The following CNTN5 variants were observed in gnomAD, a reference collection of about 807,000 sequenced individuals.
CNTN5 encodes contactin-5.
Under a neutral mutation model 129.1 loss-of-function variants are expected in CNTN5, and 77 were observed. The ratio of observed to expected loss-of-function variants is 0.60; its 90% CI spans 0.50 to 0.72. The LOEUF (loss-of-function observed/expected upper bound fraction) is 0.72. Ranked by LOEUF, CNTN5 falls within the 30% of genes least tolerant of loss-of-function variation. CNTN5 has a pLI of 0.00. For synonymous variants in CNTN5, 509 were observed against 465.6 expected, an observed-to-expected ratio of 1.09 and a Z score of -1.20; for missense variants, 1,478 against 1,328.8, an observed-to-expected ratio of 1.11 and a Z score of -1.75.
At chr11:99,177,486 G>A (rs1183909533) in intron 1 of CNTN5, among the ~76,000 whole-genome samples, 2 of 152,186 alleles carry the variant, frequency 1.3e-5, no homozygotes, top group African/African-American at 4.8e-5. Context: ...AAGCCAGAAA[G>A]CAGGATCTGT....
intron 9 of CNTN5, among the ~76,000 whole-genome samples, chr11:100,019,487 C>G (rs929456460): frequency 6.6e-6 from 1 of 151,892 alleles, no homozygotes; most frequent in Non-Finnish European, 1.5e-5. Context: ...GCAGAATGTC[C>G]TCCAGGTTCA....
intron 2 of CNTN5, among the ~76,000 whole-genome samples, chr11:99,553,284 TG>T (rs1165842806): frequency 6.6e-6 from 1 of 152,164 alleles, no homozygotes; most frequent in Non-Finnish European, 1.5e-5. Flanking sequence ...TAATGTAAAC[TG>T]GTACATTAAA....
At chr11:100,164,477 T>C (rs1471735028) in intron 13 of CNTN5, among the ~76,000 whole-genome samples, 1 of 151,680 alleles carries the variant, frequency 6.6e-6, no homozygotes, top group Non-Finnish European at 1.5e-5. Flanking sequence ...AATGGAAAAA[T>C]TCATATTTTA....
intron 1 of CNTN5, among the ~76,000 whole-genome samples, chr11:99,162,721 A>G (rs1436338805): frequency 6.6e-6 from 1 of 152,190 alleles, no homozygotes; most frequent in Non-Finnish European, 1.5e-5. Flanking sequence ...TGACTTAGGT[A>G]TGACTAGTTT....
At chr11:99,214,040 A>G (rs1270396611) in intron 1 of CNTN5, among the ~76,000 whole-genome samples, 3 of 152,176 alleles carry the variant, frequency 2.0e-5, no homozygotes, top group African/African-American at 7.2e-5. Flanking sequence ...AGTTACTGCT[A>G]TTAGAGCAGA....
intron 1 of CNTN5, among the ~76,000 whole-genome samples, chr11:99,158,816 CAT>C (rs1860458959): frequency 6.6e-6 from 1 of 152,166 alleles, no homozygotes; most frequent in Admixed American, 6.5e-5. Flanking sequence ...AAAGAAGCAA[CAT>C]ATTTGGATAA....
chr11:99,964,768 A>G (rs965602802), intron 8 of CNTN5, among the ~76,000 whole-genome samples: 1 of 152,144 alleles, frequency 6.6e-6, no homozygotes, highest in African/African-American at 2.4e-5. Flanking sequence ...GGTAGAATTC[A>G]GCTGTGAATC....
chr11:99,825,679 G>T (rs1946931415), intron 4 of CNTN5, among the ~76,000 whole-genome samples: 1 of 152,012 alleles, frequency 6.6e-6, no homozygotes, highest in South Asian at 2.1e-4. Context: ...AAAATTTCTA[G>T]GTTGATAGTT....
Position 99,159,429 on chromosome 11 carries a change from T to C in CNTN5, c.-210+138159T>C, listed in dbSNP as rs1860494488. Among the ~76,000 whole-genome samples, 5 of 152,194 alleles carry C rather than the reference T, an allele frequency of 3.3e-5. No homozygotes were observed. The South Asian group carries it at 1.0e-3, about 32-fold the overall frequency. On this transcript the variant is annotated intron_variant, in intron 1 of 24. Transcript: ENST00000524871. The stretch of plus-strand genomic sequence containing the variant: ...CGAGGTCAGGAGATCGAGACCATCC[T>C]GGCTAACGCGGTGAAGCCCCGCCTC...
At chr11:99,354,674 A>G (rs1938519378) in intron 2 of CNTN5, among the ~76,000 whole-genome samples, 1 of 152,234 alleles carries the variant, frequency 6.6e-6, no homozygotes, top group East Asian at 1.9e-4. Flanking sequence ...CCTCTGCACT[A>G]TACTCCAAAC....
intron 1 of CNTN5, among the ~76,000 whole-genome samples, chr11:99,073,837 T>C (rs946247111): frequency 2.0e-5 from 3 of 152,142 alleles, no homozygotes; most frequent in Non-Finnish European, 4.4e-5. Flanking sequence ...AGTAAACATA[T>C]GTGTGCATGT....
At chr11:99,780,958 A>C (rs1398291618) in intron 3 of CNTN5, among the ~76,000 whole-genome samples, 1 of 152,036 alleles carries the variant, frequency 6.6e-6, no homozygotes, top group Non-Finnish European at 1.5e-5. Context: ...TGCTGGAAAC[A>C]CACGTGGCAT....
At chr11:99,266,196 T>A (rs189783991) in intron 1 of CNTN5, among the ~76,000 whole-genome samples, 17 of 152,116 alleles carry the variant, frequency 1.1e-4, no homozygotes, top group Admixed American at 1.1e-3. Context: ...AATAAATAAA[T>A]AAATAAGTAC....
Position 100,120,399 on chromosome 11 carries a change from C to A in CNTN5, c.1580+46105C>A, listed in dbSNP as rs1269516164. Among the ~76,000 whole-genome samples, 4 of 151,460 alleles carry A rather than the reference C, an allele frequency of 2.6e-5. No individual in the cohort carries two copies. In the East Asian group the frequency reaches 7.7e-4, roughly 29 times the overall value. On this transcript the variant is annotated intron_variant, in intron 13 of 24. Coordinates refer to ENST00000524871, the MANE Select transcript of CNTN5 (RefSeq NM_014361.4). ...AGTCTACTTAGTGACTCTTTTTTTT[C>A]CTTCAATTTCATGTTTCAGAGGATA...
chr11:99,596,869 G>A (rs917399388), intron 3 of CNTN5, among the ~76,000 whole-genome samples: 1 of 152,110 alleles, frequency 6.6e-6, no homozygotes, highest in East Asian at 1.9e-4. Context: ...ATATTGGGTT[G>A]AAATAGGCAT....
intron 3 of CNTN5, among the ~76,000 whole-genome samples, chr11:99,793,956 C>A (rs922279079): frequency 2.0e-5 from 3 of 152,130 alleles, no homozygotes; most frequent in Non-Finnish European, 4.4e-5. Flanking sequence ...GAGTTCAGCT[C>A]CTGAATATCT....
chr11:100,232,812 C>T (rs1949519140), intron 16 of CNTN5, among the ~76,000 whole-genome samples: 1 of 152,128 alleles, frequency 6.6e-6, no homozygotes, highest in Non-Finnish European at 1.5e-5. Flanking sequence ...ATGAGCAGCA[C>T]ATTTTGCTCT....
At chr11:99,699,669 A>T (rs1954434167) in intron 3 of CNTN5, among the ~76,000 whole-genome samples, 1 of 151,502 alleles carries the variant, frequency 6.6e-6, no homozygotes, top group Admixed American at 6.6e-5. Context: ...TTTCCACTTT[A>T]AGTTCAAGAA....
intron 3 of CNTN5, among the ~76,000 whole-genome samples, chr11:99,668,545 C>A (rs778632669): frequency 2.0e-5 from 3 of 152,140 alleles, no homozygotes; most frequent in African/African-American, 4.8e-5. Flanking sequence ...TTGTTTCCTG[C>A]CATGCTTCAG....
Sources: gnomAD v4.1 joint callset for allele counts (sites outside exome capture counted in the v4.1 genomes callset) on GRCh38, gnomAD v4.1.1 for gene constraint, MANE v1.5 for transcripts, NCBI Gene and HGNC (gene_info 2026-07-23, HGNC 2026-07-21) for gene names.